PHAF1: variants seen among roughly 807,000 people sequenced by gnomAD.
PHAF1 encodes phagophore assembly factor 1, also known as phagosome assembly factor 1.
A neutral mutation model predicts 63.1 loss-of-function variants in PHAF1; 23 were observed. The ratio of observed to expected loss-of-function variants is 0.36; its 90% CI spans 0.26 to 0.52. The LOEUF is 0.52. PHAF1 is among the 20% of genes least tolerant of loss of function. The pLI is 0.93. For synonymous variants in PHAF1, 167 were observed against 185.0 expected (o/e 0.90, Z 0.79); for missense variants, 427 against 517.2 (o/e 0.83, Z 1.69).
chr16:67,145,757 TC>T, intron 14 of PHAF1, 129 bp downstream of exon 14: 1 of 952,288 alleles, frequency 1.1e-6, no homozygotes, highest in Non-Finnish European at 1.5e-6. Context: ...CAAGCATACT[TC>T]CTGCCCCACT....
chr16:67,134,094 G>A, intron 6 of PHAF1, 74 bp from the exon 7 acceptor site: 2 of 1,286,476 alleles, frequency 1.6e-6, no homozygotes, highest in Non-Finnish European at 2.2e-6. Flanking sequence ...AAGACCATGA[G>A]TGACAGGGAA....
chr16:67,121,356 T>C (rs2145834748), intron 2 of PHAF1, among the ~76,000 whole-genome samples: 1 of 138,656 alleles, frequency 7.2e-6, no homozygotes, highest in African/African-American at 3.3e-5. Flanking sequence ...CACACCCAGC[T>C]AATTTTTTTT....
At chr16:67,137,297 C>T (rs1403629319) in intron 8 of PHAF1, among the ~76,000 whole-genome samples, 1 of 152,124 alleles carries the variant, frequency 6.6e-6, no homozygotes, top group Non-Finnish European at 1.5e-5. Flanking sequence ...GAGTGTCATG[C>T]TTAAGCTATG....
At chr16:67,137,788 A>G (rs1021200882) in intron 8 of PHAF1, among the ~76,000 whole-genome samples, 12 of 152,148 alleles carry the variant, frequency 7.9e-5, no homozygotes, top group African/African-American at 1.4e-4. Flanking sequence ...CTCTCAGCCA[A>G]TTATGTCTGC....
At chr16:67,143,080 T>A (rs1452919160) in intron 10 of PHAF1, among the ~76,000 whole-genome samples, 1 of 151,942 alleles carries the variant, frequency 6.6e-6, no homozygotes. Context: ...AGGAGGGAAG[T>A]GTTCACTGGG....
At chr16:67,121,293 G>A (rs1292208317) in intron 2 of PHAF1, among the ~76,000 whole-genome samples, 3 of 150,974 alleles carry the variant, frequency 2.0e-5, no homozygotes, top group African/African-American at 2.4e-5. Flanking sequence ...GGGTTCACCC[G>A]CCATTCTCCT....
At chr16:67,144,413 G>A (rs1963916647) in intron 11 of PHAF1, 37 bp downstream of exon 11, 1 of 1,494,960 alleles carries the variant, frequency 6.7e-7, no homozygotes, top group African/African-American at 1.4e-5. Flanking sequence ...TCTGTGAAGT[G>A]AGTTTTGGGC....
chr16:67,123,340 G>T (rs1417920669), intron 2 of PHAF1, among the ~76,000 whole-genome samples: 1 of 151,996 alleles, frequency 6.6e-6, no homozygotes, highest in Admixed American at 6.6e-5. Context: ...AGTTTAGGAG[G>T]CCGAGACGGG....
At chr16:67,120,789 G>A (rs1296628582) in intron 2 of PHAF1, among the ~76,000 whole-genome samples, 1 of 152,016 alleles carries the variant, frequency 6.6e-6, no homozygotes, top group African/African-American at 2.4e-5. Flanking sequence ...AGCCTACAGA[G>A]GCTAAAGGAT....
Position 67,140,039 on chromosome 16 carries a change from G to T in PHAF1, c.717G>T (p.Val239=). Residue 239 remains valine (V), a synonymous_variant, in exon 9 of 16, where the codon GTG becomes GTT. Coordinates refer to ENST00000219139, the MANE Select transcript of PHAF1 (RefSeq NM_025187.5). ...AGATGCGGGTATTTGAACGTTCAGT[G>T]TATTTTGGTGATTCCTGCCAAGATG... ...DAKMRVFERS[V]YFGDSCQDVL... is the part of the protein sequence containing the mutation. The T allele has an allele frequency of 1.9e-6, 3 of 1,614,136 alleles. No individual in the cohort carries two copies. The highest frequency in any genetic ancestry group is 2.5e-6 in the Non-Finnish European group (3 of 1,180,022).
intron 10 of PHAF1, among the ~76,000 whole-genome samples, chr16:67,141,520 G>A (rs534645449): frequency 5.5e-4 from 84 of 152,310 alleles, no homozygotes; most frequent in African/African-American, 1.9e-3. Flanking sequence ...GGCAGGCTGC[G>A]CTTAGCTCAT....
intron 1 of PHAF1, among the ~76,000 whole-genome samples, chr16:67,116,157 A>G (rs1962724027): frequency 1.3e-5 from 2 of 152,176 alleles, no homozygotes; most frequent in Non-Finnish European, 2.9e-5. Flanking sequence ...AGGAATGGCA[A>G]AGGTGAGGGA....
chr16:67,144,023 ACC>A (rs1324248456), intron 10 of PHAF1, among the ~76,000 whole-genome samples: 1 of 152,016 alleles, frequency 6.6e-6, no homozygotes, highest in African/African-American at 2.4e-5. Context: ...AATTGCTTGA[ACC>A]CAGGAGACAG....
chr16:67,140,562 G>T lies in PHAF1; in HGVS notation c.847G>T (p.Asp283Tyr). Residue 283 changes from aspartate (D) to tyrosine (Y), a missense_variant, in exon 10 of 16, where the codon GAC becomes TAC. Physicochemically the swap from Asp to Tyr is radical, Grantham distance 160. Coordinates refer to ENST00000219139, the MANE Select transcript of PHAF1 (RefSeq NM_025187.5). ...TAAACAAGTTCCATCGAAGTGTAAT[G>T]ACTACTTTTTTAACTACTTCACTCT... is the stretch of plus-strand genomic sequence containing the variant. ...PHKQVPSKCN[D>Y]YFFNYFTLGV... The T allele has an allele frequency of 6.2e-7, 1 of 1,601,734 alleles. No individual in the cohort carries two copies. The highest frequency in any genetic ancestry group is 8.6e-7 in the Non-Finnish European group (1 of 1,168,702).
chr16:67,130,820 C>A (rs1332636475), intron 3 of PHAF1, among the ~76,000 whole-genome samples: 1 of 152,156 alleles, frequency 6.6e-6, no homozygotes, highest in African/African-American at 2.4e-5. Flanking sequence ...CAGAAGTGGA[C>A]TGCATGTAAG....
chr16:67,111,569 C>G (rs1057026096), intron 1 of PHAF1, among the ~76,000 whole-genome samples: 11 of 152,206 alleles, frequency 7.2e-5, no homozygotes, highest in Admixed American at 2.0e-4. Context: ...TGGTAAGGCC[C>G]TGCTGATGCT....
At position 67,110,203 on chromosome 16, in the gene PHAF1, C is replaced by A; in HGVS notation, c.28C>A (p.Arg10Ser). MLDLEVVPERSLGNEQWEFT... is the reference protein window; with the variant it reads MLDLEVVPESSLGNEQWEFT... ...GCTGGACCTGGAGGTAGTGCCCGAA[C>A]GCTCTCTGGGGAACGAGCAATGGGA... The change falls in exon 1 of 16, where the codon CGC becomes AGC. Residue 10 changes from arginine to serine, a missense_variant. Physicochemically the swap from Arg to Ser is moderately radical, Grantham distance 110 (BLOSUM62 -1). Transcript: ENST00000219139. The A allele has an allele frequency of 6.4e-7, 1 of 1,552,852 alleles. No homozygotes were observed. Among genetic ancestry groups the A allele is most frequent in the Non-Finnish European group, 8.7e-7 (1 of 1,147,738 alleles).
chr16:67,133,067 G>T (rs1963468733), intron 6 of PHAF1, 156 bp downstream of exon 6: 4 of 658,400 alleles, frequency 6.1e-6, no homozygotes, highest in East Asian at 2.6e-5. Context: ...TGGTAGAGTG[G>T]GTGGGTTGAC....
chr16:67,120,422 G>T (rs554121700), intron 2 of PHAF1, among the ~76,000 whole-genome samples: 2 of 152,008 alleles, frequency 1.3e-5, no homozygotes, highest in Admixed American at 1.3e-4. Flanking sequence ...CCTTTGTTTT[G>T]TCTGTGCTCA....
Sources: allele counts gnomAD v4.1 joint callset (sites outside exome capture counted in the v4.1 genomes callset), GRCh38; gene constraint gnomAD v4.1.1; transcripts MANE v1.5; gene names NCBI Gene and HGNC (gene_info 2026-07-23, HGNC 2026-07-21).